TRIM27: variants seen among roughly 807,000 people sequenced by gnomAD.
TRIM27 encodes tripartite motif containing 27.
In TRIM27, 12 loss-of-function variants were observed where a neutral mutation model predicts 57.6. The ratio of observed to expected loss-of-function variants is 0.21; its 90% CI spans 0.13 to 0.34. The LOEUF is 0.34. Among genes scored for constraint, TRIM27 ranks in the 10% least tolerant of loss-of-function variants. The pLI, the probability that TRIM27 is intolerant of heterozygous loss-of-function variation, is 1.00. For synonymous variants in TRIM27, 266 were observed against 259.0 expected (o/e 1.03, Z -0.26); for missense variants, 403 against 656.8 (o/e 0.61, Z 4.22).
intron 4 of TRIM27, among the ~76,000 whole-genome samples, chr6:28,909,631 G>C (rs543839224): frequency 1.3e-5 from 2 of 152,216 alleles, no homozygotes; most frequent in East Asian, 3.9e-4. Context: ...TACTCAAAAA[G>C]GTTTACTGAA....
At chr6:28,923,185 T>G (rs1774184934) in intron 1 of TRIM27, 28 bp downstream of exon 1, 1 of 1,520,158 alleles carries the variant, frequency 6.6e-7, no homozygotes, top group Non-Finnish European at 8.9e-7. Context: ...CGACTCGCGC[T>G]CCCGCCCTCC....
chr6:28,916,048 C>T (rs928156615), intron 3 of TRIM27, among the ~76,000 whole-genome samples: 1 of 151,946 alleles, frequency 6.6e-6, no homozygotes, highest in African/African-American at 2.4e-5. Context: ...TCCTGAGTAG[C>T]TGGGATTACA....
rs756384107 is a variant in TRIM27 at position 28,921,978 on chromosome 6, G to C, written c.430C>G (p.Gln144Glu). The change falls in exon 2 of 8, where the codon CAG (glutamine) becomes GAG (glutamate). Residue 144 changes from glutamine (Q) to glutamate (E), a missense_variant. Coordinates refer to ENST00000377199, the MANE Select transcript of TRIM27 (RefSeq NM_006510.5). ...EAVEGFKEQI[Q>E]NQLDHLKRVK... ...CTTTTTAAATGGTCGAGCTGGTTCTGGATTTGCTCCTGAGAAAAGCAAAAC... is the reference window on the plus strand; with the variant it reads ...CTTTTTAAATGGTCGAGCTGGTTCTCGATTTGCTCCTGAGAAAAGCAAAAC... 6.3e-5 allele frequency: 102 copies of C among 1,612,874 alleles called. 1 individual carries two copies. The Admixed American group carries it at 1.7e-3, about 26-fold the overall frequency.
At chr6:28,908,495 A>G (rs1185652481) in intron 6 of TRIM27, 1 of 374,496 alleles carries the variant, frequency 2.7e-6, no homozygotes, top group Admixed American at 4.4e-5. Context: ...AGTGAAACGT[A>G]TCCAAGGTAG....
intron 7 of TRIM27, chr6:28,905,604 TG>T (rs1169686464): frequency 2.0e-5 from 3 of 152,664 alleles, no homozygotes; most frequent in African/African-American, 7.2e-5. Context: ...TCACCCAGAC[TG>T]TAGTACAGTG....
In TRIM27 at chr6:28,913,965, G is replaced by C. The variant is rs140087649; in HGVS notation, c.748-2247C>G. ...TATATGGGCTTTAAAATATGGTGTAGTATCTAGTAGGGCCAGTTCTCCCTC... is the reference window on the plus strand; with the variant it reads ...TATATGGGCTTTAAAATATGGTGTACTATCTAGTAGGGCCAGTTCTCCCTC... On this transcript the variant is annotated intron_variant, in intron 3 of 7. Transcript: ENST00000377199. Among the ~76,000 whole-genome samples, 268 of 145,934 alleles carry C rather than the reference G, an allele frequency of 1.8e-3. 4 individuals carry two copies. The highest frequency in any genetic ancestry group is 6.5e-3 in the African/African-American group (256 of 39,370).
chr6:28,922,396 A>C (rs1282615028), intron 1 of TRIM27, among the ~76,000 whole-genome samples: 1 of 152,220 alleles, frequency 6.6e-6, no homozygotes, highest in Non-Finnish European at 1.5e-5. Context: ...TGAAATGGGC[A>C]AACACCATCT....
intron 3 of TRIM27, among the ~76,000 whole-genome samples, chr6:28,918,236 C>T (rs1229715524): frequency 6.6e-6 from 1 of 152,108 alleles, no homozygotes; most frequent in Non-Finnish European, 1.5e-5. Context: ...TTTCTTTAAC[C>T]AACCCTTCCA....
At chr6:28,917,830 CT>C (rs1002129970) in intron 3 of TRIM27, among the ~76,000 whole-genome samples, 530 of 141,222 alleles carry the variant, frequency 3.8e-3, no homozygotes, top group Non-Finnish European at 3.4e-3. Flanking sequence ...TTCTTCCTTT[CT>C]TTTTTTTTTT....
At chr6:28,918,111 C>T (rs1198948695) in intron 3 of TRIM27, among the ~76,000 whole-genome samples, 1 of 152,154 alleles carries the variant, frequency 6.6e-6, no homozygotes, top group Non-Finnish European at 1.5e-5. Context: ...CAGGCATGAG[C>T]CACCGTGCCC....
chr6:28,921,307 G>C (rs781212455), intron 2 of TRIM27, among the ~76,000 whole-genome samples: 1 of 152,012 alleles, frequency 6.6e-6, no homozygotes, highest in Non-Finnish European at 1.5e-5. Context: ...CTTGAACTGG[G>C]AGGCAGAGGT....
In TRIM27 at chr6:28,903,702, T is replaced by G; in HGVS notation, c.*368A>C. ...AAATGACAGCAAATAGCCATAATCA[T>G]TATGTGGGGCTGAACCAGAGGAAGC... is the stretch of plus-strand genomic sequence containing the variant. On this transcript the variant is annotated 3_prime_UTR_variant, in exon 8 of 8. Coordinates refer to ENST00000377199, the MANE Select transcript of TRIM27 (RefSeq NM_006510.5). 1 of 290,070 alleles carries G rather than the reference T, an allele frequency of 3.4e-6. No individual in the cohort carries two copies. Among genetic ancestry groups the G allele is most frequent in the Non-Finnish European group, 6.5e-6 (1 of 154,224 alleles). 18.0% of individuals were successfully genotyped at this position (290,070 alleles called of 1,614,324 possible).
chr6:28,903,917 G>T lies in TRIM27; in HGVS notation c.*153C>A. The T allele has an allele frequency of 1.6e-6, 1 of 639,766 alleles. No individual in the cohort carries two copies. 39.6% of individuals were successfully genotyped at this position (639,766 alleles called of 1,614,324 possible). ...TCACAATCTGCATGGGAAGGAAAAG[G>T]ATGGTAGAGAACATGGACATCCTGT... On this transcript the variant is annotated 3_prime_UTR_variant, in exon 8 of 8. Coordinates refer to ENST00000377199, the MANE Select transcript of TRIM27 (RefSeq NM_006510.5).
chr6:28,904,186 G>A lies in TRIM27; in HGVS notation c.1426C>T (p.Leu476=). The A allele has an allele frequency of 6.2e-7, 1 of 1,613,056 alleles. No individual in the cohort carries two copies. The highest frequency in any genetic ancestry group is 8.5e-7 in the Non-Finnish European group (1 of 1,180,032). Residue 476 remains leucine (L), a synonymous_variant, in exon 8 of 8, where the codon CTG becomes TTG. Transcript: ENST00000377199. This position sits in a 1 kb window ranked among gnomAD's most constrained non-coding sequence, Gnocchi z 6.1. ...GCACTTTTCCCTCCCGAGTAACTCA[G>A]ACTGAAGTAGGGCCGGACAGGCCCA... The part of the protein sequence containing the change: ...FCGPVRPYFS[L]SYSGGKSAAP...
At chr6:28,907,438 A>G in intron 6 of TRIM27, 176 bp from the exon 7 acceptor site, 1 of 723,138 alleles carries the variant, frequency 1.4e-6, no homozygotes, top group Admixed American at 2.0e-5. Flanking sequence ...CATCCAACCA[A>G]AAGCTTTAAG....
At chr6:28,910,619 C>T (rs914734904) in intron 4 of TRIM27, among the ~76,000 whole-genome samples, 2 of 152,028 alleles carry the variant, frequency 1.3e-5, no homozygotes, top group Admixed American at 6.6e-5. Context: ...TGTGAGCCAC[C>T]GCACCCAACC....
chr6:28,913,269 A>C (rs7767670), intron 3 of TRIM27, among the ~76,000 whole-genome samples: 56 of 135,566 alleles, frequency 4.1e-4, no homozygotes, highest in African/African-American at 1.6e-3. Context: ...AAAAAAAAAA[A>C]ATATATATAT....
chr6:28,908,501 G>C (rs1772942363), intron 6 of TRIM27: 1 of 390,894 alleles, frequency 2.6e-6, no homozygotes, highest in Non-Finnish European at 4.6e-6. Context: ...ACGTATCCAA[G>C]GTAGTTTTTG....
At position 28,903,251 on chromosome 6, in the gene TRIM27, T is replaced by C. The variant is rs1359612080; in HGVS notation, c.*819A>G. On this transcript the variant is annotated 3_prime_UTR_variant, in exon 8 of 8. Transcript: ENST00000377199. ...AGAAGTCAATGAATCCCTGGAATAT[T>C]GTCCCAGAATCCTTCCAGGGATGGT... is the stretch of plus-strand genomic sequence containing the variant. 8.6e-6 allele frequency: 2 copies of C among 233,052 alleles called. No homozygotes were observed. Among genetic ancestry groups the C allele is most frequent in the Non-Finnish European group, 8.5e-6 (1 of 117,978 alleles). The allele number at this position is 233,052 out of a possible 1,614,324, so 14.4% of individuals were successfully genotyped here. A position where few individuals can be genotyped will look rare whatever the true frequency, so the allele number is the denominator to read the frequency against.
Sources: gnomAD v4.1 joint callset for allele counts (sites outside exome capture counted in the v4.1 genomes callset) on GRCh38, gnomAD v4.1.1 for gene constraint, Gnocchi (gnomAD v3.1) non-coding constraint, MANE v1.5 for transcripts, NCBI Gene and HGNC (gene_info 2026-07-23, HGNC 2026-07-21) for gene names.